The following PI16 variants were observed in gnomAD, a reference collection of about 807,000 sequenced individuals.
PI16 encodes the protein peptidase inhibitor 16.
Under a neutral mutation model 38.0 loss-of-function variants are expected in PI16, and 35 were observed. That is an observed-to-expected ratio of 0.92 (90% CI 0.70 to 1.22). PI16 has a LOEUF of 1.22. Ranked by LOEUF, PI16 falls within the 50% of genes most tolerant of loss-of-function variation. PI16 has a pLI of 0.00. For missense variants in PI16, 572 were observed against 593.8 expected (o/e 0.96, Z 0.38); for synonymous variants, 275 against 252.9 (o/e 1.09, Z -0.83).
In PI16 at chr6:36,963,902, A is replaced by G; in HGVS notation, c.1350A>G (p.Gly450=). The G allele has an allele frequency of 1.2e-6, 2 of 1,613,732 alleles. No homozygotes were observed. The highest frequency in any genetic ancestry group is 2.2e-5 in the South Asian group (2 of 91,054). ...GPGHVWGPLL[G]LLLLPPLVLA... is the part of the protein sequence containing the mutation. ...GTCATGTGTGGGGCCCTCTCCTGGGACTACTGCTCCTGCCTCCTCTGGTGT... is the reference window on the plus strand; with the variant it reads ...GTCATGTGTGGGGCCCTCTCCTGGGGCTACTGCTCCTGCCTCCTCTGGTGT... The change falls in exon 6 of 7, where the codon GGA becomes GGG. Residue 450 remains glycine, a synonymous_variant. Coordinates refer to ENST00000373674, the MANE Select transcript of PI16 (RefSeq NM_153370.3).
chr6:36,951,163 G>GA (rs1456251643), upstream of PI16, among the ~76,000 whole-genome samples: 1 of 152,230 alleles, frequency 6.6e-6, no homozygotes, highest in South Asian at 2.1e-4. Context: ...CTTCTCTGGA[G>GA]AAATGTCTTT....
chr6:36,958,375 C>T (rs16889316), intron 1 of PI16, among the ~76,000 whole-genome samples: 28,611 of 152,184 alleles, frequency 0.19, 3,179 homozygotes, highest in East Asian at 0.37. Context: ...GGGACACAAT[C>T]GCAAAGGCCC....
upstream of PI16, among the ~76,000 whole-genome samples, chr6:36,951,496 C>T (rs545495580): frequency 3.9e-5 from 6 of 152,288 alleles, no homozygotes; most frequent in East Asian, 3.9e-4. Context: ...GCGATCGGCC[C>T]GCCTTAGCCT....
chr6:36,959,892 A>C (rs1190568822), intron 2 of PI16, among the ~76,000 whole-genome samples: 1 of 151,432 alleles, frequency 6.6e-6, no homozygotes, highest in Non-Finnish European at 1.5e-5. Flanking sequence ...AAAATTAAAT[A>C]AATAAATAAA....
chr6:36,963,789 T>A (rs1256650169), intron 5 of PI16, 34 bp from the exon 6 acceptor site: 1 of 1,556,110 alleles, frequency 6.4e-7, no homozygotes, highest in South Asian at 1.2e-5. Flanking sequence ...CACAGCTGTC[T>A]CTAGGCTGAG....
rs1011608735 is a variant in PI16, at chr6:36,962,623, G to C, written c.593-312G>C. Among the ~76,000 whole-genome samples, 1 of 152,036 alleles carries C rather than the reference G, an allele frequency of 6.6e-6. No homozygotes were observed. The highest frequency in any genetic ancestry group is 1.5e-5 in the Non-Finnish European group (1 of 68,000). Reference sequence around the variant, plus strand: ...CGAGTAGCTGGGACTACAGGCACGCGCCACCACGCCTGGCTAATTTTGTAT... The same window carrying C: ...CGAGTAGCTGGGACTACAGGCACGCCCCACCACGCCTGGCTAATTTTGTAT... On this transcript the variant is annotated intron_variant, in intron 4 of 6. Coordinates refer to ENST00000373674, the MANE Select transcript of PI16 (RefSeq NM_153370.3). This position sits in a 1 kb window ranked among gnomAD's most constrained non-coding sequence, Gnocchi z 4.1.
At chr6:36,948,610 C>T (rs959200059) in intron 1 of PI16, among the ~76,000 whole-genome samples, 3 of 134,252 alleles carry the variant, frequency 2.2e-5, no homozygotes, top group East Asian at 4.4e-4. Flanking sequence ...GTGTTTCTTT[C>T]TTTTTTTTTT....
In PI16 at chr6:36,963,511, C is replaced by G. The variant is rs762961083; in HGVS notation, c.1169C>G (p.Thr390Arg). ...PGELQATLDHTGHTSSKSLPN... is the reference protein window; with the variant it reads ...PGELQATLDHRGHTSSKSLPN... ...GAGCTGCAGGCCACACTGGACCACA[C>G]GGGGCACACCTCCTCCAAGTCCCTG... Residue 390 changes from threonine (T) to arginine (R), a missense_variant, in exon 5 of 7, where the codon ACG becomes AGG. By Grantham distance (71) the Thr-to-Arg change is moderately conservative. Coordinates refer to ENST00000373674, the MANE Select transcript of PI16 (RefSeq NM_153370.3). 6.2e-7 allele frequency: 1 copy of G among 1,614,184 alleles called. No homozygotes were observed. Among genetic ancestry groups the G allele is most frequent in the Admixed American group, 1.7e-5 (1 of 60,034 alleles).
chr6:36,960,010 T>G (rs1170722554), intron 2 of PI16, among the ~76,000 whole-genome samples: 1 of 152,180 alleles, frequency 6.6e-6, no homozygotes, highest in Non-Finnish European at 1.5e-5. Flanking sequence ...CAAGTGATCC[T>G]GCCTCACTTC....
At chr6:36,955,265 T>C (rs1763172987) in intron 1 of PI16, among the ~76,000 whole-genome samples, 1 of 152,160 alleles carries the variant, frequency 6.6e-6, no homozygotes, top group Non-Finnish European at 1.5e-5. Context: ...TCCAATGAGC[T>C]TTCCCCAGCA....
intron 5 of PI16, 24 bp from the exon 6 acceptor site, chr6:36,963,799 G>A (rs1237040665): frequency 1.9e-6 from 3 of 1,564,124 alleles, no homozygotes; most frequent in Non-Finnish European, 2.6e-6. Flanking sequence ...TCTAGGCTGA[G>A]GCAAAGCCTC....
chr6:36,948,885 C>A (rs1763057566), intron 1 of PI16, among the ~76,000 whole-genome samples: 1 of 151,622 alleles, frequency 6.6e-6, no homozygotes, highest in Non-Finnish European at 1.5e-5. Context: ...ACCTCCGCCT[C>A]CTGGGTTCAA....
chr6:36,952,967 A>G (rs1763123347), upstream of PI16, among the ~76,000 whole-genome samples: 1 of 152,074 alleles, frequency 6.6e-6, no homozygotes, highest in South Asian at 2.1e-4. Context: ...GTCTTCTTTC[A>G]CTTTGTTTGT....
chr6:36,964,073 C>T (rs1017662961), intron 6 of PI16, 111 bp downstream of exon 6: 17 of 1,309,060 alleles, frequency 1.3e-5, no homozygotes, highest in East Asian at 2.4e-5. Flanking sequence ...AGCAGCCCCC[C>T]TTCACCCCAA....
At chr6:36,957,824 G>A (rs910649490) in intron 1 of PI16, among the ~76,000 whole-genome samples, 3 of 152,142 alleles carry the variant, frequency 2.0e-5, no homozygotes, top group Non-Finnish European at 2.9e-5. Context: ...CCAGCACTGC[G>A]CCAGACACTG....
At chr6:36,955,573 G>T (rs1019980425) in intron 1 of PI16, among the ~76,000 whole-genome samples, 2 of 152,200 alleles carry the variant, frequency 1.3e-5, no homozygotes, top group African/African-American at 4.8e-5. Context: ...AAGGCGGTCA[G>T]AATTAGAGCT....
intron 2 of PI16, 83 bp from the exon 3 acceptor site, chr6:36,961,368 C>T (rs1304654547): frequency 1.6e-6 from 2 of 1,232,014 alleles, no homozygotes; most frequent in East Asian, 2.3e-5. Flanking sequence ...CTCTCCACTC[C>T]TGTAAGGCAG....
In PI16 at chr6:36,954,793, G is replaced by C; in HGVS notation, c.33G>C (p.Leu11=). The change falls in exon 1 of 7, where the codon CTG becomes CTC. Residue 11 remains leucine, a synonymous_variant. Coordinates refer to ENST00000373674, the MANE Select transcript of PI16 (RefSeq NM_153370.3). ...GCTCCTGCAGTTTCCTGATGCTTCT[G>C]CTGCCGCTACTGCTACTGCTGGTGG... MHGSCSFLML[L]LPLLLLLVAT... is the part of the protein sequence containing the mutation. 6.2e-7 allele frequency: 1 copy of C among 1,613,684 alleles called. No homozygotes were observed. The highest frequency in any genetic ancestry group is 8.5e-7 in the Non-Finnish European group (1 of 1,179,944).
In PI16 at chr6:36,959,353, G is replaced by C. The variant is rs1190054072; in HGVS notation, c.380G>C (p.Gly127Ala). 6.4e-7 allele frequency: 1 copy of C among 1,556,154 alleles called. No homozygotes were observed. The highest frequency in any genetic ancestry group is 1.9e-5 in the Admixed American group (1 of 51,870). ...AATCSPGQMC[G>A]HYTQVVWAKT... is the part of the protein sequence containing the mutation. Reference sequence around the variant, plus strand: ...ACCTGCAGCCCAGGCCAGATGTGCGGCCACTACACGCAGGTGTGGGCCCGG... The same window carrying C: ...ACCTGCAGCCCAGGCCAGATGTGCGCCCACTACACGCAGGTGTGGGCCCGG... Residue 127 changes from glycine (G) to alanine (A), a missense_variant, in exon 2 of 7, where the codon GGC becomes GCC. Gly to Ala is a moderately conservative substitution (Grantham distance 60). Transcript: ENST00000373674.
Sources: gnomAD v4.1 joint callset for allele counts (sites outside exome capture counted in the v4.1 genomes callset) on GRCh38, gnomAD v4.1.1 for gene constraint, Gnocchi (gnomAD v3.1) non-coding constraint, MANE v1.5 for transcripts, NCBI Gene and HGNC (gene_info 2026-07-23, HGNC 2026-07-21) for gene names.